SPIDR: variants seen among roughly 807,000 people sequenced by gnomAD.
The protein encoded by SPIDR is scaffold protein involved in DNA repair.
A neutral mutation model predicts 104.6 loss-of-function variants in SPIDR; 93 were observed. The observed-to-expected ratio is 0.89, with a 90% CI of 0.75 to 1.06. The LOEUF is 1.06. Ranked by LOEUF, SPIDR falls within the 50% of genes least tolerant of loss-of-function variation. The pLI, the probability that SPIDR is intolerant of heterozygous loss-of-function variation, is 0.00. For synonymous variants in SPIDR, 431 were observed against 416.9 expected (o/e 1.03, Z -0.41); for missense variants, 1,154 against 1,111.2 (o/e 1.04, Z -0.55).
intron 5 of SPIDR, among the ~76,000 whole-genome samples, chr8:47,348,879 T>G (rs573498052): frequency 2.4e-4 from 36 of 152,208 alleles, no homozygotes; most frequent in Non-Finnish European, 4.3e-4. Flanking sequence ...TTAGCTTCCT[T>G]ACGATGGGTT....
intron 11 of SPIDR, 97 bp from the exon 12 acceptor site, chr8:47,700,306 T>G (rs751275250): frequency 1.6e-6 from 2 of 1,226,688 alleles, no homozygotes; most frequent in Non-Finnish European, 2.4e-6. Context: ...TCCATGGCCT[T>G]AGGCATTAGA....
intron 8 of SPIDR, among the ~76,000 whole-genome samples, chr8:47,483,058 G>A (rs1425410502): frequency 6.6e-6 from 1 of 152,050 alleles, no homozygotes; most frequent in Non-Finnish European, 1.5e-5. Flanking sequence ...ACAGGTCTGG[G>A]CTTTCCTATT....
chr8:47,482,494 C>T (rs2077008684), intron 8 of SPIDR, among the ~76,000 whole-genome samples: 1 of 152,144 alleles, frequency 6.6e-6, no homozygotes, highest in East Asian at 1.9e-4. Context: ...GATGCCTTTG[C>T]TTGCATTCTC....
chr8:47,577,581 G>A (rs994559988), intron 8 of SPIDR, among the ~76,000 whole-genome samples: 1 of 152,170 alleles, frequency 6.6e-6, no homozygotes, highest in Non-Finnish European at 1.5e-5. Context: ...TACAGTATTC[G>A]CAGGCATCCT....
chr8:47,420,243 G>A (rs1175883652), intron 7 of SPIDR, among the ~76,000 whole-genome samples: 12 of 151,990 alleles, frequency 7.9e-5, no homozygotes, highest in Admixed American at 7.9e-4. Context: ...TTATTGTGTG[G>A]GAGTCTAAGT....
chr8:47,369,294 A>T (rs782200544), intron 5 of SPIDR, among the ~76,000 whole-genome samples: 20 of 152,202 alleles, frequency 1.3e-4, no homozygotes, highest in Non-Finnish European at 2.6e-4. Context: ...GACATGATTT[A>T]CCTTTTGTGG....
intron 8 of SPIDR, among the ~76,000 whole-genome samples, chr8:47,538,717 G>A (rs1419562269): frequency 6.6e-6 from 1 of 151,916 alleles, no homozygotes; most frequent in Non-Finnish European, 1.5e-5. Flanking sequence ...AAAATAGAGA[G>A]TAAACCAAAG....
Position 47,700,488 on chromosome 8 carries a change from G to GAGGT in SPIDR, c.1773_1773+3dup. ...ACCTGGCCGCGACCAGCCCTGTGAAGAGGTAAGCCCGGCACTGGAAAAACT... is the reference window on the plus strand; with the variant it reads ...ACCTGGCCGCGACCAGCCCTGTGAAGAGGTAGGTAAGCCCGGCACTGGAAAAACT... On this transcript the variant is annotated frameshift_variant and splice_region_variant, in exon 12 of 20. Coordinates refer to ENST00000297423, the MANE Select transcript of SPIDR (RefSeq NM_001080394.4). LOFTEE classifies it high-confidence loss of function. The GAGGT allele has an allele frequency of 6.2e-7, 1 of 1,614,226 alleles. No homozygotes were observed. Among genetic ancestry groups the GAGGT allele is most frequent in the Middle Eastern group, 1.6e-4 (1 of 6,062 alleles).
intron 8 of SPIDR, among the ~76,000 whole-genome samples, chr8:47,464,020 G>A (rs1439199066): frequency 6.6e-6 from 1 of 151,066 alleles, no homozygotes; most frequent in African/African-American, 2.4e-5. Context: ...ACTTAGGCAA[G>A]AAAAAGAAAA....
chr8:47,317,774 A>G (rs1229397811), intron 5 of SPIDR, among the ~76,000 whole-genome samples: 8 of 152,124 alleles, frequency 5.3e-5, no homozygotes, highest in Non-Finnish European at 1.2e-4. Flanking sequence ...TCAGGCAGCA[A>G]CATTTCCTGC....
chr8:47,361,859 G>C (rs1479012064), intron 5 of SPIDR, among the ~76,000 whole-genome samples: 1 of 152,226 alleles, frequency 6.6e-6, no homozygotes, highest in Non-Finnish European at 1.5e-5. Flanking sequence ...TGAGAGAACA[G>C]GCCCTTCATG....
At chr8:47,423,921 T>G (rs2065991685) in intron 7 of SPIDR, among the ~76,000 whole-genome samples, 1 of 152,248 alleles carries the variant, frequency 6.6e-6, no homozygotes, top group Admixed American at 6.5e-5. Context: ...GCTCATTATC[T>G]GCATGATGGT....
chr8:47,411,130 G>C (rs534731625), intron 7 of SPIDR, among the ~76,000 whole-genome samples: 121 of 152,346 alleles, frequency 7.9e-4, no homozygotes, highest in Non-Finnish European at 1.4e-3. Flanking sequence ...ACGTGTGCAT[G>C]TGTCTTTATA....
chr8:47,476,737 T>A (rs1217677744), intron 8 of SPIDR, among the ~76,000 whole-genome samples: 5 of 152,204 alleles, frequency 3.3e-5, no homozygotes, highest in Non-Finnish European at 7.3e-5. Context: ...TTTAATTGGC[T>A]TAGAAAAATA....
At chr8:47,420,614 AT>A (rs1315883198) in intron 7 of SPIDR, among the ~76,000 whole-genome samples, 2 of 152,168 alleles carry the variant, frequency 1.3e-5, no homozygotes, top group African/African-American at 4.8e-5. Flanking sequence ...GCCCATTTAC[AT>A]TTAAAGTTAA....
intron 8 of SPIDR, among the ~76,000 whole-genome samples, chr8:47,496,549 A>C (rs554792444): frequency 6.6e-6 from 1 of 152,110 alleles, no homozygotes; most frequent in Non-Finnish European, 1.5e-5. Flanking sequence ...AATCTCATTT[A>C]GTTGTGGTAT....
intron 5 of SPIDR, among the ~76,000 whole-genome samples, chr8:47,389,803 G>A (rs73565225): frequency 0.018 from 2,749 of 151,862 alleles, 99 homozygotes; most frequent in African/African-American, 0.064. Flanking sequence ...GTTAAGAAAT[G>A]TGGTTGATGT....
intron 8 of SPIDR, among the ~76,000 whole-genome samples, chr8:47,461,621 T>A (rs1198000292): frequency 1.3e-5 from 2 of 152,134 alleles, no homozygotes; most frequent in African/African-American, 2.4e-5. Context: ...GTTTGTTTTT[T>A]AATTATTTTT....
At chr8:47,430,426 G>A (rs140175589) in intron 7 of SPIDR, among the ~76,000 whole-genome samples, 5 of 152,298 alleles carry the variant, frequency 3.3e-5, no homozygotes, top group African/African-American at 1.2e-4. Flanking sequence ...GTCCTTTATC[G>A]ATAGTCATTA....
Sources: gnomAD v4.1 joint callset for allele counts (sites outside exome capture counted in the v4.1 genomes callset) on GRCh38, gnomAD v4.1.1 for gene constraint, MANE v1.5 for transcripts, NCBI Gene and HGNC (gene_info 2026-07-23, HGNC 2026-07-21) for gene names.